APTX: variants seen among roughly 807,000 people sequenced by gnomAD.
The protein encoded by APTX is aprataxin.
Under a neutral mutation model 42.3 loss-of-function variants are expected in APTX, and 33 were observed. That is an observed-to-expected ratio of 0.78 (90% CI 0.59 to 1.04). The LOEUF is 1.04. APTX is among the 50% of genes least tolerant of loss of function. The pLI, the probability that APTX is intolerant of heterozygous loss-of-function variation, is 0.00. For synonymous variants in APTX, 130 were observed against 146.7 expected (o/e 0.89, Z 0.82); for missense variants, 421 against 415.1 (o/e 1.01, Z -0.12).
intron 1 of APTX, among the ~76,000 whole-genome samples, chr9:32,999,622 C>T (rs914188416): frequency 2.6e-5 from 4 of 152,176 alleles, no homozygotes; most frequent in Non-Finnish European, 5.9e-5. Context: ...AAAGGGAAAG[C>T]AGAGGCAGAA....
At chr9:32,979,132 G>A (rs190746480) in intron 6 of APTX, among the ~76,000 whole-genome samples, 41 of 151,942 alleles carry the variant, frequency 2.7e-4, no homozygotes, top group African/African-American at 7.5e-4. Flanking sequence ...AGATTGTTTC[G>A]CCACCCAGGT....
chr9:32,995,901 A>AG (rs1041714965), intron 1 of APTX, among the ~76,000 whole-genome samples: 2 of 151,686 alleles, frequency 1.3e-5, no homozygotes, highest in African/African-American at 4.8e-5. Flanking sequence ...AAAAAAAAAA[A>AG]AAAGAAATTG....
chr9:33,012,741 G>A (rs149812542), intron 1 of APTX, among the ~76,000 whole-genome samples: 40 of 152,186 alleles, frequency 2.6e-4, no homozygotes, highest in Non-Finnish European at 4.0e-4. Context: ...CCCCAACTGC[G>A]GAATTCTGAT....
rs773176049 is a variant in APTX, at chr9:33,001,489, T to C, written c.-5+78A>G. 4 of 1,606,364 alleles carry C rather than the reference T, an allele frequency of 2.5e-6. No individual in the cohort carries two copies. In the African/African-American group the frequency reaches 4.0e-5, roughly 16 times the overall value. On this transcript the variant is annotated intron_variant, in intron 1 of 7. Coordinates refer to ENST00000379817, the MANE Select transcript of APTX (RefSeq NM_001195248.2). ...TCATTCAAGGCACATCACTCAAGGG[T>C]AGGAGCAGCCTCGGCCGAACGCTCA...
intron 1 of APTX, among the ~76,000 whole-genome samples, chr9:33,000,673 AAAGT>A (rs1413691127): frequency 7.8e-4 from 118 of 151,248 alleles, no homozygotes; most frequent in African/African-American, 2.8e-3. Flanking sequence ...AGAAAAAAAG[AAAGT>A]AATAACTGTG....
intron 6 of APTX, among the ~76,000 whole-genome samples, chr9:32,983,585 G>A (rs890289587): frequency 4.6e-5 from 7 of 152,102 alleles, no homozygotes; most frequent in African/African-American, 1.7e-4. Context: ...TGGTTCAAGT[G>A]GCCAGTAACC....
chr9:32,973,465 C>G lies in APTX; in HGVS notation c.*33G>C, dbSNP rs539914259. 6.2e-7 allele frequency: 1 copy of G among 1,611,934 alleles called. No individual in the cohort carries two copies. Among genetic ancestry groups the G allele is most frequent in the South Asian group, 1.1e-5 (1 of 90,822 alleles). Reference sequence around the variant, plus strand: ...GGTGCCAGCAGTTTGCTCCAGTGGGCCACACCACAGCAGCAGCTCAGGCTC... The same window carrying G: ...GGTGCCAGCAGTTTGCTCCAGTGGGGCACACCACAGCAGCAGCTCAGGCTC... On this transcript the variant is annotated 3_prime_UTR_variant, in exon 8 of 8. Transcript: ENST00000379817.
chr9:33,023,186 T>C (rs1278870732), intron 1 of APTX, among the ~76,000 whole-genome samples: 2 of 151,780 alleles, frequency 1.3e-5, no homozygotes, highest in Non-Finnish European at 2.9e-5. Context: ...CCCTATGTTG[T>C]GAGCTCCTTG....
At chr9:32,974,359 G>A in intron 7 of APTX, 99 bp downstream of exon 7, 1 of 814,568 alleles carries the variant, frequency 1.2e-6, no homozygotes, top group East Asian at 2.6e-5. Flanking sequence ...TTGTACATAG[G>A]TTTTTGAGGT....
chr9:32,988,606 A>G (rs986134708), intron 2 of APTX, among the ~76,000 whole-genome samples: 1 of 142,674 alleles, frequency 7.0e-6, no homozygotes, highest in Non-Finnish European at 1.5e-5. Flanking sequence ...CTTGAGCCCC[A>G]GGAGGTGGAG....
chr9:32,993,017 G>A (rs1833994107), intron 1 of APTX, among the ~76,000 whole-genome samples: 1 of 152,168 alleles, frequency 6.6e-6, no homozygotes, highest in Non-Finnish European at 1.5e-5. Context: ...AGTGAAATAT[G>A]TCTTCACTAG....
At chr9:32,973,736 A>C in intron 7 of APTX, 84 bp from the exon 8 acceptor site, 4 of 1,537,184 alleles carry the variant, frequency 2.6e-6, no homozygotes, top group Non-Finnish European at 2.7e-6. Flanking sequence ...AAAATCAAAA[A>C]CGTGACTCCA....
chr9:32,987,484 T>G, intron 4 of APTX, 60 bp downstream of exon 4: 1 of 1,599,712 alleles, frequency 6.3e-7, no homozygotes, highest in African/African-American at 1.3e-5. Context: ...TACAAAACAA[T>G]TAAGCAGTCA....
rs140023373 is a variant in APTX at position 32,996,260 on chromosome 9, T to A, written c.-5+5307A>T. On this transcript the variant is annotated intron_variant, in intron 1 of 7. Coordinates refer to ENST00000379817, the MANE Select transcript of APTX (RefSeq NM_001195248.2). ...TTCAAGTATAATATACTGAACAGCATCTCCCAAATAAATCGCTCTTTTTTT... is the reference window on the plus strand; with the variant it reads ...TTCAAGTATAATATACTGAACAGCAACTCCCAAATAAATCGCTCTTTTTTT... Among the ~76,000 whole-genome samples, 799 of 144,938 alleles carry A rather than the reference T, an allele frequency of 5.5e-3. 9 individuals carry two copies. Among genetic ancestry groups the A allele is most frequent in the African/African-American group, 0.019 (752 of 39,494 alleles).
At chr9:32,999,389 G>C (rs1291447546) in intron 1 of APTX, among the ~76,000 whole-genome samples, 2 of 152,184 alleles carry the variant, frequency 1.3e-5, no homozygotes, top group East Asian at 1.9e-4. Context: ...AAGTTATAAT[G>C]GACCACCAAG....
At chr9:33,005,423 TTTTTG>T (rs1837066312), upstream of APTX, among the ~76,000 whole-genome samples, 1 of 152,006 alleles carries the variant, frequency 6.6e-6, no homozygotes, top group African/African-American at 2.4e-5. Context: ...TGGTTTTATT[TTTTTG>T]TTTTTTGTTT....
At chr9:33,017,054 C>G (rs1040480134) in intron 1 of APTX, among the ~76,000 whole-genome samples, 4 of 152,164 alleles carry the variant, frequency 2.6e-5, no homozygotes, top group Non-Finnish European at 5.9e-5. Flanking sequence ...ATACTTTGAA[C>G]CAAATGTTGG....
At chr9:32,980,490 C>G (rs1369846027) in intron 6 of APTX, 1 of 152,830 alleles carries the variant, frequency 6.5e-6, no homozygotes, top group Admixed American at 6.5e-5. Flanking sequence ...AAGAAACAAG[C>G]CTCAGTGGTC....
chr9:33,020,858 G>T (rs1838316431), intron 1 of APTX, among the ~76,000 whole-genome samples: 1 of 152,232 alleles, frequency 6.6e-6, no homozygotes, highest in Non-Finnish European at 1.5e-5. Flanking sequence ...GGCCAGGCGT[G>T]GTGGCTCACG....
Sources: gnomAD v4.1 joint callset for allele counts (sites outside exome capture counted in the v4.1 genomes callset) on GRCh38, gnomAD v4.1.1 for gene constraint, MANE v1.5 for transcripts, NCBI Gene and HGNC (gene_info 2026-07-23, HGNC 2026-07-21) for gene names.